EPHA5: variants seen among roughly 807,000 people sequenced by gnomAD.
EPHA5 encodes the protein ephrin type-A receptor 5.
A neutral mutation model predicts 105.0 loss-of-function variants in EPHA5; 60 were observed. That is an observed-to-expected ratio of 0.57 (90% confidence interval 0.46 to 0.71). The LOEUF is 0.71. Ranked by LOEUF, EPHA5 falls within the 30% of genes least tolerant of loss-of-function variation. EPHA5 has a pLI of 0.00. For missense variants in EPHA5, 1,218 were observed against 1,274.7 expected, an observed-to-expected ratio of 0.96 and a Z score of 0.68; for synonymous variants, 513 against 449.1, an observed-to-expected ratio of 1.14 and a Z score of -1.80.
chr4:65,454,907 T>C (rs1727424856), intron 5 of EPHA5, among the ~76,000 whole-genome samples: 1 of 152,178 alleles, frequency 6.6e-6, no homozygotes, highest in Non-Finnish European at 1.5e-5. Context: ...CTTTCTCACC[T>C]CTGACTCTCT....
chr4:65,606,461 T>A (rs1744237716), intron 2 of EPHA5, among the ~76,000 whole-genome samples: 1 of 152,194 alleles, frequency 6.6e-6, no homozygotes, highest in South Asian at 2.1e-4. Flanking sequence ...ATCGTCAGAA[T>A]TTTATAAGAG....
intron 3 of EPHA5, among the ~76,000 whole-genome samples, chr4:65,601,310 C>A (rs1743702606): frequency 6.6e-6 from 1 of 152,020 alleles, no homozygotes. Context: ...ATAGATGTAG[C>A]AGACAATAAT....
chr4:65,521,108 A>G (rs1375296208), intron 3 of EPHA5, among the ~76,000 whole-genome samples: 2 of 152,194 alleles, frequency 1.3e-5, no homozygotes, highest in Admixed American at 1.3e-4. Context: ...CACAATAGCA[A>G]AGACTGGGAA....
chr4:65,618,014 T>C (rs1745393447), intron 2 of EPHA5, among the ~76,000 whole-genome samples: 1 of 152,126 alleles, frequency 6.6e-6, no homozygotes, highest in South Asian at 2.1e-4. Flanking sequence ...CCAGTATTTT[T>C]CTTCTCCTCA....
chr4:65,348,815 A>AT lies in EPHA5; in HGVS notation c.2446-613dup, dbSNP rs10633855. 5.5e-3 allele frequency among the ~76,000 whole-genome samples: 353 copies of AT among 64,062 alleles called. 51 individuals carry two copies. Among genetic ancestry groups the AT allele is most frequent in the Middle Eastern group, 0.026 (1 of 38 alleles). 42.0% of individuals were successfully genotyped at this position (64,062 alleles called of 152,430 possible). On this transcript the variant is annotated intron_variant, in intron 13 of 16. Coordinates refer to ENST00000613740, the MANE Select transcript of EPHA5 (RefSeq NM_001281766.3). ...TGTGTATATATATATATATATATAT[A>AT]TTTTTTTTTTTTTTTTTTGAGACAG... is the stretch of plus-strand genomic sequence containing the variant.
chr4:65,371,776 T>C (rs17086133), intron 8 of EPHA5, among the ~76,000 whole-genome samples: 16,907 of 152,048 alleles, frequency 0.11, 1,042 homozygotes, highest in African/African-American at 0.15. Context: ...TTTCCATTGC[T>C]TTAGTCTATA....
intron 1 of EPHA5, among the ~76,000 whole-genome samples, chr4:65,665,051 T>A (rs1749850356): frequency 6.6e-6 from 1 of 151,928 alleles, no homozygotes; most frequent in South Asian, 2.1e-4. Flanking sequence ...GAAAAAATAA[T>A]GTCTAAAGAG....
chr4:65,370,373 TC>T (rs1286181301), intron 8 of EPHA5, among the ~76,000 whole-genome samples: 2 of 152,162 alleles, frequency 1.3e-5, no homozygotes, highest in Non-Finnish European at 2.9e-5. Flanking sequence ...TTAATGTTTC[TC>T]TTTAATAATA....
At chr4:65,511,561 T>A (rs559718784) in intron 3 of EPHA5, among the ~76,000 whole-genome samples, 2 of 152,310 alleles carry the variant, frequency 1.3e-5, no homozygotes, top group South Asian at 4.1e-4. Context: ...TATATATGTA[T>A]GTATATTTGA....
chr4:65,475,865 G>A (rs1373479694), intron 5 of EPHA5, among the ~76,000 whole-genome samples: 2 of 152,068 alleles, frequency 1.3e-5, no homozygotes, highest in African/African-American at 4.8e-5. Flanking sequence ...GGGCAGAATA[G>A]AGCTCACAGG....
chr4:65,662,884 C>T (rs1000355358), intron 1 of EPHA5, among the ~76,000 whole-genome samples: 1 of 151,952 alleles, frequency 6.6e-6, no homozygotes, highest in Admixed American at 6.6e-5. Flanking sequence ...GCACATACAC[C>T]AAAATTCCAG....
At chr4:65,621,319 GA>G (rs150511869) in intron 2 of EPHA5, among the ~76,000 whole-genome samples, 1,767 of 152,286 alleles carry the variant, frequency 0.012, 10 homozygotes, top group Non-Finnish European at 0.018. Context: ...ACTGTGGCCA[GA>G]AGTGGGATGG....
chr4:65,401,417 A>G (rs1721806635), intron 8 of EPHA5, among the ~76,000 whole-genome samples: 1 of 152,112 alleles, frequency 6.6e-6, no homozygotes, highest in East Asian at 1.9e-4. Context: ...AATAAAATAT[A>G]AAGTAGTTTG....
chr4:65,627,576 A>C (rs1157465713), intron 2 of EPHA5, among the ~76,000 whole-genome samples: 1 of 152,194 alleles, frequency 6.6e-6, no homozygotes. Flanking sequence ...AAGCATATGC[A>C]CTTGATGGAA....
chr4:65,570,823 T>C (rs902064486), intron 3 of EPHA5, among the ~76,000 whole-genome samples: 8 of 152,050 alleles, frequency 5.3e-5, no homozygotes, highest in African/African-American at 1.7e-4. Context: ...CCAATAAAAA[T>C]CTTAATATAT....
At chr4:65,592,861 G>A (rs368627852) in intron 3 of EPHA5, among the ~76,000 whole-genome samples, 380 of 152,240 alleles carry the variant, frequency 2.5e-3, no homozygotes, top group African/African-American at 8.8e-3. Flanking sequence ...TGATTGTGTT[G>A]CACCGTAAAT....
rs569762193 is a variant in EPHA5, at chr4:65,351,650, A to G, written c.2236-52T>C. 2.9e-5 allele frequency: 44 copies of G among 1,524,832 alleles called. No homozygotes were observed. The East Asian group carries it at 8.8e-4, about 31-fold the overall frequency. 94.5% of individuals were successfully genotyped at this position (1,524,832 alleles called of 1,614,324 possible). On this transcript the variant is annotated intron_variant, in intron 12 of 16. Transcript: ENST00000613740. Reference sequence around the variant, plus strand: ...TCTAGCAACACCAATCACTGGGGGAAAATATGAGAGGTCTGTATTCAATCC... The same window carrying G: ...TCTAGCAACACCAATCACTGGGGGAGAATATGAGAGGTCTGTATTCAATCC...
At chr4:65,482,614 C>A (rs1353922007) in intron 5 of EPHA5, among the ~76,000 whole-genome samples, 1 of 152,014 alleles carries the variant, frequency 6.6e-6, no homozygotes, top group African/African-American at 2.4e-5. Context: ...AGTCATCTGA[C>A]CCTTGGCAAT....
At chr4:65,560,252 G>A (rs1349301633) in intron 3 of EPHA5, among the ~76,000 whole-genome samples, 2 of 152,086 alleles carry the variant, frequency 1.3e-5, no homozygotes, top group African/African-American at 4.8e-5. Context: ...AGGAATTTCT[G>A]AAGGAAAATT....
Sources: gnomAD v4.1 joint callset for allele counts (sites outside exome capture counted in the v4.1 genomes callset) on GRCh38, gnomAD v4.1.1 for gene constraint, MANE v1.5 for transcripts, NCBI Gene and HGNC (gene_info 2026-07-23, HGNC 2026-07-21) for gene names.